SPICE1: variants seen among roughly 807,000 people sequenced by gnomAD.
The protein encoded by SPICE1 is spindle and centriole associated protein 1, also known as spindle and centriole-associated protein 1.
A neutral mutation model predicts 102.7 loss-of-function variants in SPICE1; 75 were observed. The observed-to-expected ratio is 0.73, with a 90% confidence interval of 0.61 to 0.88. The LOEUF is 0.88. SPICE1 is among the 40% of genes least tolerant of loss of function. The pLI is 0.00. For synonymous variants in SPICE1, 308 were observed against 350.3 expected (o/e 0.88, Z 1.35); for missense variants, 979 against 1,020.1 (o/e 0.96, Z 0.55).
chr3:113,500,166 C>T lies in SPICE1; in HGVS notation c.148-584G>A, dbSNP rs368900408. Among the ~76,000 whole-genome samples the T allele has an allele frequency of 1.2e-4, 19 of 152,254 alleles. No homozygotes were observed. The East Asian group carries it at 1.7e-3, about 14-fold the overall frequency. On this transcript the variant is annotated intron_variant, in intron 3 of 17. Transcript: ENST00000295872. ...TTCCTGAAGTACAAGAAGAGATACG[C>T]GCCACAGATCTCAAGTGTTAGAGGG... is the stretch of plus-strand genomic sequence containing the variant.
At chr3:113,484,789 T>C (rs963834852) in intron 7 of SPICE1, among the ~76,000 whole-genome samples, 2 of 152,202 alleles carry the variant, frequency 1.3e-5, no homozygotes, top group Non-Finnish European at 2.9e-5. Flanking sequence ...AGGAGTGTTT[T>C]ACTCAATTTC....
chr3:113,447,897 C>T, intron 16 of SPICE1, 141 bp downstream of exon 16: 1 of 682,418 alleles, frequency 1.5e-6, no homozygotes, highest in Non-Finnish European at 2.2e-6. Flanking sequence ...TTCTCTTTTC[C>T]AATTATTTTA....
Position 113,494,612 on chromosome 3 carries a change from A to G in SPICE1, c.292-470T>C, listed in dbSNP as rs1476369783. Among the ~76,000 whole-genome samples, 8 of 150,504 alleles carry G rather than the reference A, an allele frequency of 5.3e-5. No homozygotes were observed. The East Asian group carries it at 1.6e-3, about 29-fold the overall frequency. ...CAGTGAGCCGAGATCCCGCCACTGC[A>G]CTCCAGCCTGGGCGACAGAGCGAGA... On this transcript the variant is annotated intron_variant, in intron 4 of 17. Transcript: ENST00000295872.
chr3:113,505,100 G>A (rs1387711259), intron 2 of SPICE1, among the ~76,000 whole-genome samples: 1 of 151,936 alleles, frequency 6.6e-6, no homozygotes, highest in African/African-American at 2.4e-5. Flanking sequence ...CACCTAATTG[G>A]CTCTCCATAT....
At chr3:113,460,442 A>C in intron 12 of SPICE1, 175 bp downstream of exon 12, 1 of 982,800 alleles carries the variant, frequency 1.0e-6, no homozygotes, top group African/African-American at 1.7e-5. Flanking sequence ...AGTATCTGGC[A>C]TAGAGCATGC....
At chr3:113,472,183 A>G (rs1439753069) in intron 7 of SPICE1, among the ~76,000 whole-genome samples, 1 of 152,248 alleles carries the variant, frequency 6.6e-6, no homozygotes, top group African/African-American at 2.4e-5. Context: ...ACTGATTGCT[A>G]GCACAGCAGT....
At chr3:113,480,809 A>C (rs1023319026) in intron 7 of SPICE1, among the ~76,000 whole-genome samples, 5 of 151,782 alleles carry the variant, frequency 3.3e-5, no homozygotes, top group Admixed American at 6.6e-5. Context: ...GGCTGAGGTG[A>C]GAGGATTACC....
chr3:113,506,598 A>G lies in SPICE1; in HGVS notation c.8T>C (p.Phe3Ser). 1 of 1,612,182 alleles carries G rather than the reference A, an allele frequency of 6.2e-7. No homozygotes were observed. The highest frequency in any genetic ancestry group is 1.3e-5 in the African/African-American group (1 of 75,012). Reference protein sequence around the residue: MSFVRVNRCGPRV... With the variant: MSSVRVNRCGPRV... The stretch of plus-strand genomic sequence containing the variant: ...GGGACCACAGCGGTTCACTCTGACA[A>G]ATGACATCTAGGAATAATAATCACA... Residue 3 changes from phenylalanine (F) to serine (S), a missense_variant, in exon 2 of 18, where the codon TTT (phenylalanine) becomes TCT (serine). By Grantham distance (155) the Phe-to-Ser change is radical. Coordinates refer to ENST00000295872, the MANE Select transcript of SPICE1 (RefSeq NM_144718.4).
rs1935797817 is a variant in SPICE1 at position 113,457,207 on chromosome 3, A to G, written c.1586T>C (p.Ile529Thr). 1 of 1,614,202 alleles carries G rather than the reference A, an allele frequency of 6.2e-7. No individual in the cohort carries two copies. Among genetic ancestry groups the G allele is most frequent in the Non-Finnish European group, 8.5e-7 (1 of 1,180,036 alleles). ...MNLAKNFPAH[I>T]FEPAVLLTPP... ...TGTTAACAACACAGCTGGCTCAAAA[A>G]TATGTGCTGGAAAATTCTTGGCCAG... is the stretch of plus-strand genomic sequence containing the variant. Residue 529 changes from isoleucine to threonine, a missense_variant, in exon 13 of 18, where the codon ATT becomes ACT. Transcript: ENST00000295872.
chr3:113,446,163 A>C (rs952001869), intron 17 of SPICE1, among the ~76,000 whole-genome samples: 1 of 152,238 alleles, frequency 6.6e-6, no homozygotes, highest in African/African-American at 2.4e-5. Flanking sequence ...TGGCACAGTC[A>C]GATATGGCAC....
intron 17 of SPICE1, 113 bp from the exon 18 acceptor site, chr3:113,445,473 G>T: frequency 1.3e-6 from 1 of 781,716 alleles, no homozygotes; most frequent in Non-Finnish European, 2.2e-6. Flanking sequence ...CTGTGCCATT[G>T]AATGGTACTG....
intron 3 of SPICE1, among the ~76,000 whole-genome samples, chr3:113,502,142 G>A (rs1397745526): frequency 1.3e-5 from 2 of 152,190 alleles, no homozygotes; most frequent in Non-Finnish European, 2.9e-5. Context: ...TTGGGAGGCT[G>A]AGGTGGGCAG....
At position 113,468,802 on chromosome 3, in the gene SPICE1, G is replaced by A. The variant is rs761635219; in HGVS notation, c.849C>T (p.His283=). 12 of 1,614,042 alleles carry A rather than the reference G, an allele frequency of 7.4e-6. No homozygotes were observed. Among genetic ancestry groups the A allele is most frequent in the Admixed American group, 3.3e-5 (2 of 59,996 alleles). Residue 283 remains histidine (H), a synonymous_variant, in exon 9 of 18, where the codon CAC becomes CAT. Coordinates refer to ENST00000295872, the MANE Select transcript of SPICE1 (RefSeq NM_144718.4). ...ETLDSSYVVG[H]VLNSRKQKQL... Reference sequence around the variant, plus strand: ...GTTTTTGCTTCCTTGAGTTCAGCACGTGTCCCACAACGTAGCTTGAGTCTA... The same window carrying A: ...GTTTTTGCTTCCTTGAGTTCAGCACATGTCCCACAACGTAGCTTGAGTCTA...
chr3:113,501,417 G>T (rs1937004970), intron 3 of SPICE1, among the ~76,000 whole-genome samples: 1 of 151,996 alleles, frequency 6.6e-6, no homozygotes, highest in South Asian at 2.1e-4. Flanking sequence ...AGGTAAATTT[G>T]ACTTCATCAA....
At chr3:113,459,929 G>A (rs963148445) in intron 12 of SPICE1, 116 of 984,270 alleles carry the variant, frequency 1.2e-4, no homozygotes, top group Non-Finnish European at 1.3e-4. Flanking sequence ...AGAAGACAGA[G>A]ATGTGCCCTA....
At chr3:113,499,007 T>C (rs532461513) in intron 4 of SPICE1, 1 of 152,994 alleles carries the variant, frequency 6.5e-6, no homozygotes, top group East Asian at 1.9e-4. Flanking sequence ...AAAATAATTA[T>C]AGCAGCTTAT....
At chr3:113,471,312 T>G (rs1427245338) in intron 7 of SPICE1, among the ~76,000 whole-genome samples, 2 of 152,140 alleles carry the variant, frequency 1.3e-5, no homozygotes. Context: ...TAAAAAAAAT[T>G]TTTCATATTT....
rs528367834 is a variant in SPICE1 at position 113,511,086 on chromosome 3, C to T, written c.-1+3811G>A. On this transcript the variant is annotated intron_variant, in intron 1 of 17. Coordinates refer to ENST00000295872, the MANE Select transcript of SPICE1 (RefSeq NM_144718.4). Reference sequence around the variant, plus strand: ...TACCATCTCATGCCAGTCAGAATGGCGATTATTAAAAAGTCAAGAAACAAC... The same window carrying T: ...TACCATCTCATGCCAGTCAGAATGGTGATTATTAAAAAGTCAAGAAACAAC... Among the ~76,000 whole-genome samples the T allele has an allele frequency of 1.2e-4, 18 of 152,118 alleles. No individual in the cohort carries two copies. In the South Asian group the frequency reaches 3.5e-3, roughly 30 times the overall value.
chr3:113,506,737 G>A, intron 1 of SPICE1, 132 bp from the exon 2 acceptor site: 2 of 637,050 alleles, frequency 3.1e-6, no homozygotes, highest in Non-Finnish European at 5.4e-6. Flanking sequence ...ATGATGAAAG[G>A]AACAGCCTAT....
Sources: allele counts gnomAD v4.1 joint callset (sites outside exome capture counted in the v4.1 genomes callset), GRCh38; gene constraint gnomAD v4.1.1; transcripts MANE v1.5; gene names NCBI Gene and HGNC (gene_info 2026-07-23, HGNC 2026-07-21).